Variants in LAMA3 observed in about 807,000 individuals in gnomAD.
LAMA3 encodes laminin subunit alpha-3.
LAMA3 carries 281 observed loss-of-function variants against 402.0 expected under a neutral mutation model. The observed-to-expected ratio is 0.70, with a 90% CI of 0.63 to 0.77. The LOEUF is 0.77. Among genes scored for constraint, LAMA3 ranks in the 30% least tolerant of loss-of-function variants. LAMA3 has a pLI of 0.00. For missense variants in LAMA3, 3,840 were observed against 4,215.5 expected (o/e 0.91, Z 2.47); for synonymous variants, 1,431 against 1,558.4 (o/e 0.92, Z 1.93).
chr18:23,873,230 A>G lies in LAMA3; in HGVS notation c.4998+1569A>G, dbSNP rs781625160. Reference sequence around the variant, plus strand: ...GACCCAGCCAGGTAACGTCCTTTTAAGTTTTGGTTTGTGATAGGGAAGAGT... The same window carrying G: ...GACCCAGCCAGGTAACGTCCTTTTAGGTTTTGGTTTGTGATAGGGAAGAGT... On this transcript the variant is annotated intron_variant, in intron 38 of 74. Transcript: ENST00000313654. 1.2e-6 allele frequency: 2 copies of G among 1,612,458 alleles called. No individual in the cohort carries two copies. The highest frequency in any genetic ancestry group is 2.2e-5 in the East Asian group (1 of 44,874).
At chr18:23,901,024 A>T (rs756439340) in intron 47 of LAMA3, 103 bp from the exon 48 acceptor site, 102 of 1,052,960 alleles carry the variant, frequency 9.7e-5, no homozygotes, top group Non-Finnish European at 1.3e-4. Context: ...GTTCAAGGAA[A>T]ACCATGAAAT....
At position 23,822,361 on chromosome 18, in the gene LAMA3, T is replaced by C; in HGVS notation, c.2414T>C (p.Ile805Thr). Residue 805 changes from isoleucine (I) to threonine (T), a missense_variant, in exon 20 of 75, where the codon ATT (isoleucine) becomes ACT (threonine). Physicochemically the swap from Ile to Thr is moderately conservative, Grantham distance 89. Around this residue, in one of 3 missense-constraint regions of LAMA3, gnomAD observed 2,109 missense variants for 2,376.0 expected, o/e 0.89. Transcript: ENST00000313654. ...GTEAVSGHITIYPSWGAAQSK... is the reference protein window; with the variant it reads ...GTEAVSGHITTYPSWGAAQSK... Reference sequence around the variant, plus strand: ...GAAGCAGTATCTGGCCATATAACTATTTATCCATCCTGGGGTAAGGCACGT... The same window carrying C: ...GAAGCAGTATCTGGCCATATAACTACTTATCCATCCTGGGGTAAGGCACGT... The C allele has an allele frequency of 3.7e-6, 6 of 1,613,884 alleles. No individual in the cohort carries two copies. The highest frequency in any genetic ancestry group is 5.1e-6 in the Non-Finnish European group (6 of 1,179,752).
At chr18:23,880,451 G>C (rs2144905282) in intron 39 of LAMA3, among the ~76,000 whole-genome samples, 1 of 152,308 alleles carries the variant, frequency 6.6e-6, no homozygotes. Flanking sequence ...AGTGAAGGAT[G>C]GATTTGCTCA....
At chr18:23,816,637 T>G in intron 18 of LAMA3, 150 bp downstream of exon 18, 1 of 718,804 alleles carries the variant, frequency 1.4e-6, no homozygotes, top group South Asian at 1.5e-5. Flanking sequence ...ATCTGGACAT[T>G]TGTGTGTGAG....
At chr18:23,940,159 G>A (rs1295972583) in intron 68 of LAMA3, among the ~76,000 whole-genome samples, 2 of 152,218 alleles carry the variant, frequency 1.3e-5, no homozygotes, top group African/African-American at 4.8e-5. Flanking sequence ...ACCAGAAGGG[G>A]ACAGAGATGG....
At chr18:23,763,276 C>G (rs907813885) in intron 7 of LAMA3, 129 bp from the exon 8 acceptor site, 49 of 697,872 alleles carry the variant, frequency 7.0e-5, no homozygotes, top group Non-Finnish European at 1.0e-4. Context: ...AAAATTTTCC[C>G]CTAAGAGTGT....
Position 23,816,394 on chromosome 18 carries a change from A to T in LAMA3, c.2054A>T (p.Gln685Leu). ...GCTGTTTCCTGGCTTTCAGGGTGTCAGTGTGACATTGGTGGGGCATTGTCC... is the reference window on the plus strand; with the variant it reads ...GCTGTTTCCTGGCTTTCAGGGTGTCTGTGTGACATTGGTGGGGCATTGTCC... The part of the protein sequence containing the change: ...KSNYFGCQGC[Q>L]CDIGGALSSM... Residue 685 changes from glutamine (Q) to leucine (L), a missense_variant, in exon 18 of 75, where the codon CAG (glutamine) becomes CTG (leucine). Transcript: ENST00000313654. 1 of 1,613,790 alleles carries T rather than the reference A, an allele frequency of 6.2e-7. No individual in the cohort carries two copies. Among genetic ancestry groups the T allele is most frequent in the East Asian group, 2.2e-5 (1 of 44,874 alleles).
chr18:23,861,789 C>T lies in LAMA3; in HGVS notation c.4566C>T (p.Thr1522=). 3.1e-6 allele frequency: 5 copies of T among 1,613,234 alleles called. No homozygotes were observed. Among genetic ancestry groups the T allele is most frequent in the Non-Finnish European group, 3.4e-6 (4 of 1,179,550 alleles). ...TIHSASWVAP[T]SYLGDKVSSY... ...ACAGCGCGTCCTGGGTCGCACCCACCTCCTACCTGGGGGACAAGGTAATGA... is the reference window on the plus strand; with the variant it reads ...ACAGCGCGTCCTGGGTCGCACCCACTTCCTACCTGGGGGACAAGGTAATGA... Residue 1522 remains threonine, a synonymous_variant, in exon 35 of 75, where the codon ACC becomes ACT. Transcript: ENST00000313654.
intron 60 of LAMA3, among the ~76,000 whole-genome samples, chr18:23,917,964 T>C (rs564612176): frequency 1.2e-4 from 19 of 152,314 alleles, no homozygotes; most frequent in African/African-American, 4.6e-4. Flanking sequence ...ATAATGGTAT[T>C]TCTAGGCATT....
At position 23,952,650 on chromosome 18, in the gene LAMA3, A is replaced by AG. The variant is rs1379674765; in HGVS notation, c.9737-339dup. Among the ~76,000 whole-genome samples, 3 of 152,338 alleles carry AG rather than the reference A, an allele frequency of 2.0e-5. No individual in the cohort carries two copies. The East Asian group carries it at 5.8e-4, about 29-fold the overall frequency. ...AAAGTAGCTGAGATCACATGAAATC[A>AG]GCATGGCCTCTGGACACAGGAGACC... On this transcript the variant is annotated intron_variant, in intron 73 of 74. Transcript: ENST00000313654.
rs906712714 is a variant in LAMA3 at position 23,737,650 on chromosome 18, G to A, written c.448-10293G>A. ...TACGCCAAGTAAGTGGAATCCTTAG[G>A]GTTCTGGCTGACTCTCAGCATCGCC... On this transcript the variant is annotated intron_variant, in intron 2 of 74. Transcript: ENST00000313654. 2.0e-5 allele frequency among the ~76,000 whole-genome samples: 3 copies of A among 152,304 alleles called. No individual in the cohort carries two copies. In the South Asian group the frequency reaches 6.2e-4, roughly 32 times the overall value.
chr18:23,817,575 C>T (rs2063200857), intron 18 of LAMA3, among the ~76,000 whole-genome samples: 1 of 152,050 alleles, frequency 6.6e-6, no homozygotes, highest in African/African-American at 2.4e-5. Context: ...ATTAGGCAGG[C>T]ACTGTGGCAC....
chr18:23,935,340 G>A (rs2082280276), intron 67 of LAMA3, among the ~76,000 whole-genome samples: 1 of 152,250 alleles, frequency 6.6e-6, no homozygotes, highest in Non-Finnish European at 1.5e-5. Context: ...AGGACACCCA[G>A]GTGCAGAAAT....
intron 1 of LAMA3, chr18:23,710,280 G>A: frequency 1.9e-6 from 1 of 534,354 alleles, no homozygotes; most frequent in Admixed American, 2.6e-5. Flanking sequence ...CTTCGCCTTC[G>A]GCGCCATCTT....
Position 23,833,882 on chromosome 18 carries a change from G to A in LAMA3, c.2878G>A (p.Val960Ile). 3 of 1,614,060 alleles carry A rather than the reference G, an allele frequency of 1.9e-6. No homozygotes were observed. The highest frequency in any genetic ancestry group is 2.5e-6 in the Non-Finnish European group (3 of 1,180,034). ...IPQVGHYVVV[V>I]EYSTEAAQLF... ...ACAGGTTGGCCACTACGTGGTTGTGGTCGAGTATTCCACGGAGGCAGCTCA... is the reference window on the plus strand; with the variant it reads ...ACAGGTTGGCCACTACGTGGTTGTGATCGAGTATTCCACGGAGGCAGCTCA... The change falls in exon 24 of 75, where the codon GTC becomes ATC. Residue 960 changes from valine to isoleucine, a missense_variant. This residue lies in a region of LAMA3 where 2,109 missense variants were observed against 2,376.0 expected (regional missense o/e 0.89). Coordinates refer to ENST00000313654, the MANE Select transcript of LAMA3 (RefSeq NM_198129.4).
chr18:23,845,460 G>T (rs2063793993), intron 30 of LAMA3, among the ~76,000 whole-genome samples: 1 of 152,170 alleles, frequency 6.6e-6, no homozygotes, highest in Non-Finnish European at 1.5e-5. Context: ...TACCACACAG[G>T]GTACCCTCCA....
chr18:23,851,828 T>G (rs901860894), intron 32 of LAMA3, among the ~76,000 whole-genome samples: 1 of 152,334 alleles, frequency 6.6e-6, no homozygotes, highest in Admixed American at 6.5e-5. Flanking sequence ...CTCTTTGAGC[T>G]CCTGTCTCCT....
chr18:23,753,913 C>G (rs1568147369), intron 6 of LAMA3, 101 bp downstream of exon 6: 2 of 792,736 alleles, frequency 2.5e-6, no homozygotes, highest in Admixed American at 2.0e-5. Flanking sequence ...TTCCTGTCCT[C>G]AATAGGAATG....
chr18:23,720,521 A>AT (rs930988616), intron 2 of LAMA3, among the ~76,000 whole-genome samples: 6 of 151,826 alleles, frequency 4.0e-5, no homozygotes, highest in African/African-American at 9.7e-5. Context: ...CACCCAGCTA[A>AT]TTTTTTTGTA....
Sources: gnomAD v4.1 joint callset for allele counts (sites outside exome capture counted in the v4.1 genomes callset) on GRCh38, gnomAD v4.1.1 for gene constraint, gnomAD v4.1.1 regional missense constraint, MANE v1.5 for transcripts, NCBI Gene and HGNC (gene_info 2026-07-23, HGNC 2026-07-21) for gene names.